ARNT2: variants seen among roughly 807,000 people sequenced by gnomAD.
The protein encoded by ARNT2 is aryl hydrocarbon receptor nuclear translocator 2, also known as ARNT protein 2.
Under a neutral mutation model 91.7 loss-of-function variants are expected in ARNT2, and 36 were observed. That is an observed-to-expected ratio of 0.39 (90% CI 0.30 to 0.52). ARNT2 has a LOEUF of 0.52. Among genes scored for constraint, ARNT2 ranks in the 20% least tolerant of loss-of-function variants. The pLI, the probability that ARNT2 is intolerant of heterozygous loss-of-function variation, is 0.72. For missense variants in ARNT2, 775 were observed against 939.3 expected, an observed-to-expected ratio of 0.83 and a Z score of 2.29; for synonymous variants, 365 against 347.1, an observed-to-expected ratio of 1.05 and a Z score of -0.57.
chr15:80,512,333 T>A (rs1301331681), intron 6 of ARNT2, among the ~76,000 whole-genome samples: 1 of 152,200 alleles, frequency 6.6e-6, no homozygotes, highest in Non-Finnish European at 1.5e-5. Context: ...GCTGTTCTTT[T>A]CTCTGAGTCT....
chr15:80,506,807 G>A (rs1159542918), intron 5 of ARNT2, among the ~76,000 whole-genome samples: 2 of 152,226 alleles, frequency 1.3e-5, no homozygotes, highest in African/African-American at 4.8e-5. Flanking sequence ...ACATGGGGTG[G>A]GGAGGAGCTG....
At chr15:80,509,582 G>A (rs1004942331) in intron 6 of ARNT2, among the ~76,000 whole-genome samples, 19 of 152,180 alleles carry the variant, frequency 1.2e-4, no homozygotes, top group African/African-American at 4.3e-4. Context: ...ATGGTGGTGA[G>A]TGCTATGGAG....
chr15:80,436,413 G>A (rs1197616165), intron 1 of ARNT2: 1 of 154,498 alleles, frequency 6.5e-6, no homozygotes, highest in East Asian at 1.9e-4. Context: ...CACACAGCAA[G>A]TGAGGGATTC....
intron 10 of ARNT2, among the ~76,000 whole-genome samples, chr15:80,553,772 C>T (rs1383492129): frequency 2.0e-5 from 3 of 152,018 alleles, no homozygotes; most frequent in Admixed American, 6.5e-5. Flanking sequence ...TGAGCAACTA[C>T]GTTTGGGATA....
intron 1 of ARNT2, among the ~76,000 whole-genome samples, chr15:80,406,531 C>T (rs1895603614): frequency 6.6e-6 from 1 of 152,168 alleles, no homozygotes; most frequent in African/African-American, 2.4e-5. Flanking sequence ...ATTTCTATGC[C>T]AGGACATCAT....
intron 1 of ARNT2, among the ~76,000 whole-genome samples, chr15:80,410,783 TC>T (rs1895669875): frequency 6.6e-6 from 1 of 151,616 alleles, no homozygotes; most frequent in Admixed American, 6.6e-5. Context: ...TATCTATCTA[TC>T]TATCTATCTA....
At chr15:80,503,577 C>T (rs562475666) in intron 5 of ARNT2, among the ~76,000 whole-genome samples, 15 of 152,220 alleles carry the variant, frequency 9.9e-5, no homozygotes, top group African/African-American at 3.4e-4. Flanking sequence ...CTGCCAGACC[C>T]TCATGCTGGC....
intron 8 of ARNT2, among the ~76,000 whole-genome samples, chr15:80,515,117 G>A (rs1471507002): frequency 6.6e-6 from 1 of 152,222 alleles, no homozygotes; most frequent in African/African-American, 2.4e-5. Flanking sequence ...AACAACAAAT[G>A]TTGATGAGAA....
At chr15:80,511,682 A>G (rs1029606643) in intron 6 of ARNT2, among the ~76,000 whole-genome samples, 5 of 152,132 alleles carry the variant, frequency 3.3e-5, no homozygotes, top group African/African-American at 1.2e-4. Context: ...GATGCATGTG[A>G]AATCTCGTGG....
Position 80,593,801 on chromosome 15 carries a change from C to T in ARNT2, c.*103C>T. The T allele has an allele frequency of 9.2e-7, 1 of 1,082,680 alleles. No individual in the cohort carries two copies. Among genetic ancestry groups the T allele is most frequent in the Non-Finnish European group, 1.3e-6 (1 of 742,964 alleles). The allele number at this position is 1,082,680 out of a possible 1,614,324, so 67.1% of individuals were successfully genotyped here. On this transcript the variant is annotated 3_prime_UTR_variant, in exon 19 of 19. Coordinates refer to ENST00000303329, the MANE Select transcript of ARNT2 (RefSeq NM_014862.4). The stretch of plus-strand genomic sequence containing the variant: ...CTCGCCCTGCTTGCCCTGCCGCAGG[C>T]CCCCCACCAGAAGCCATCTCCCCCG...
intron 1 of ARNT2, among the ~76,000 whole-genome samples, chr15:80,424,278 A>G (rs929731728): frequency 2.0e-5 from 3 of 152,216 alleles, no homozygotes; most frequent in Non-Finnish European, 4.4e-5. Flanking sequence ...CCCAGAAGGG[A>G]GACGAGGACA....
At chr15:80,529,729 T>G (rs924173617) in intron 8 of ARNT2, among the ~76,000 whole-genome samples, 5 of 152,182 alleles carry the variant, frequency 3.3e-5, no homozygotes, top group African/African-American at 1.2e-4. Flanking sequence ...TCTCTTCACT[T>G]TAGGATGTTC....
Position 80,446,842 on chromosome 15 carries a change from G to T in ARNT2, c.32-4038G>T, listed in dbSNP as rs538407398. On this transcript the variant is annotated intron_variant, in intron 1 of 18. Coordinates refer to ENST00000303329, the MANE Select transcript of ARNT2 (RefSeq NM_014862.4). The stretch of plus-strand genomic sequence containing the variant: ...ATTGGACACTTACTATTTAAAAAGG[G>T]CTTCCCCTTCCTCTGTCTCTGTCTC... 3.3e-5 allele frequency among the ~76,000 whole-genome samples: 5 copies of T among 152,200 alleles called. No individual in the cohort carries two copies. In the South Asian group the frequency reaches 8.3e-4, roughly 25 times the overall value.
chr15:80,445,693 C>T (rs567010923), intron 1 of ARNT2, among the ~76,000 whole-genome samples: 1 of 152,086 alleles, frequency 6.6e-6, no homozygotes, highest in East Asian at 1.9e-4. Flanking sequence ...GCACTCCCTC[C>T]TGAGATCCGG....
intron 3 of ARNT2, among the ~76,000 whole-genome samples, chr15:80,467,874 A>G (rs1187097315): frequency 6.6e-6 from 1 of 152,194 alleles, no homozygotes; most frequent in East Asian, 1.9e-4. Flanking sequence ...GTGGGCTGCC[A>G]CCACTAATTT....
At chr15:80,504,853 G>C (rs1371663097) in intron 5 of ARNT2, among the ~76,000 whole-genome samples, 1 of 152,094 alleles carries the variant, frequency 6.6e-6, no homozygotes, top group African/African-American at 2.4e-5. Flanking sequence ...AGGGATGAGA[G>C]AGTGGCACAC....
At chr15:80,417,620 C>G (rs1895805749) in intron 1 of ARNT2, among the ~76,000 whole-genome samples, 1 of 151,034 alleles carries the variant, frequency 6.6e-6, no homozygotes, top group African/African-American at 2.4e-5. Context: ...TCCCTCCTCA[C>G]CCTCTCCTGC....
intron 12 of ARNT2, among the ~76,000 whole-genome samples, chr15:80,573,655 A>G (rs1163287857): frequency 6.6e-6 from 1 of 152,246 alleles, no homozygotes; most frequent in Non-Finnish European, 1.5e-5. Context: ...CTGTTCTGTC[A>G]TAGCCATTTG....
chr15:80,559,518 T>C (rs1898282139), intron 11 of ARNT2, among the ~76,000 whole-genome samples: 1 of 152,248 alleles, frequency 6.6e-6, no homozygotes, highest in Non-Finnish European at 1.5e-5. Context: ...GGGAGGTGGC[T>C]ACGTCAGCTA....
Sources: gnomAD v4.1 joint callset for allele counts (sites outside exome capture counted in the v4.1 genomes callset) on GRCh38, gnomAD v4.1.1 for gene constraint, MANE v1.5 for transcripts, NCBI Gene and HGNC (gene_info 2026-07-23, HGNC 2026-07-21) for gene names.